DYM: variants seen among roughly 807,000 people sequenced by gnomAD.
The protein encoded by DYM is dyggve-Melchior-Clausen syndrome protein.
A neutral mutation model predicts 93.1 loss-of-function variants in DYM; 78 were observed. The observed-to-expected ratio is 0.84, with a 90% CI of 0.70 to 1.01. The LOEUF (loss-of-function observed/expected upper bound fraction) is 1.01, where lower values mean the gene tolerates loss of function less well. Among genes scored for constraint, DYM ranks in the 50% least tolerant of loss-of-function variants. DYM has a pLI of 0.00. For synonymous variants in DYM, 321 were observed against 319.7 expected, an observed-to-expected ratio of 1.00 and a Z score of -0.04; for missense variants, 789 against 845.0, an observed-to-expected ratio of 0.93 and a Z score of 0.82.
chr18:49,248,590 C>T (rs533020716), intron 13 of DYM, among the ~76,000 whole-genome samples: 2 of 151,542 alleles, frequency 1.3e-5, no homozygotes, highest in Admixed American at 1.3e-4. Context: ...TTCCTGACTA[C>T]AGTGCTAACA....
At chr18:49,333,606 A>G in intron 7 of DYM, 122 bp downstream of exon 7, 1 of 1,120,060 alleles carries the variant, frequency 8.9e-7, no homozygotes, top group South Asian at 1.3e-5. Flanking sequence ...TTAAAGAGAC[A>G]ATAGAACAAC....
At chr18:49,190,153 T>A (rs991247833) in intron 14 of DYM, among the ~76,000 whole-genome samples, 2 of 152,190 alleles carry the variant, frequency 1.3e-5, no homozygotes, top group African/African-American at 4.8e-5. Flanking sequence ...ACTTGACCAT[T>A]TAGGGATAGT....
At chr18:49,197,218 T>C (rs2091539195) in intron 14 of DYM, among the ~76,000 whole-genome samples, 1 of 152,122 alleles carries the variant, frequency 6.6e-6, no homozygotes, top group South Asian at 2.1e-4. Context: ...ATTTGGAACA[T>C]ATTGGCATGT....
chr18:49,251,564 G>A (rs1324931590), intron 13 of DYM, among the ~76,000 whole-genome samples: 1 of 152,160 alleles, frequency 6.6e-6, no homozygotes, highest in Non-Finnish European at 1.5e-5. Context: ...TACCCAGGTG[G>A]TGAACCTAGT....
intron 8 of DYM, among the ~76,000 whole-genome samples, chr18:49,292,624 AACCCCC>A (rs2060234741): frequency 1.5e-5 from 1 of 65,044 alleles, no homozygotes; most frequent in African/African-American, 5.4e-5. Context: ...AAAAAAAAAA[AACCCCC>A]ACAAAAACCT....
intron 13 of DYM, among the ~76,000 whole-genome samples, chr18:49,239,791 A>C (rs1230567222): frequency 6.6e-6 from 1 of 152,266 alleles, no homozygotes; most frequent in Non-Finnish European, 1.5e-5. Flanking sequence ...AGAATCAGTT[A>C]GCTAAGCAAT....
chr18:49,339,775 A>G (rs1271684013), intron 6 of DYM, among the ~76,000 whole-genome samples: 2 of 152,216 alleles, frequency 1.3e-5, no homozygotes, highest in African/African-American at 4.8e-5. Flanking sequence ...TGTTCTAAAC[A>G]GCTAAGTTTT....
intron 15 of DYM, among the ~76,000 whole-genome samples, chr18:49,150,456 T>C (rs558097201): frequency 1.3e-5 from 2 of 152,280 alleles, no homozygotes; most frequent in Admixed American, 6.5e-5. Flanking sequence ...TCTGCTAACA[T>C]AGATGCTAAC....
rs935116382 is a variant in DYM at position 49,078,557 on chromosome 18, C to G, written c.2025+18845G>C. Among the ~76,000 whole-genome samples the G allele has an allele frequency of 2.0e-5, 3 of 152,188 alleles. No individual in the cohort carries two copies. The East Asian group carries it at 5.8e-4, about 29-fold the overall frequency. On this transcript the variant is annotated intron_variant, in intron 17 of 17. Coordinates refer to ENST00000675505, the MANE Select transcript of DYM (RefSeq NM_001353214.3). ...TAATTTTGGTTATTCCCTTCCGGCT[C>G]TTTCCCTTCTGGGATTCTTCTACTC...
At chr18:49,399,150 A>G (rs1317856045) in intron 2 of DYM, among the ~76,000 whole-genome samples, 1 of 152,206 alleles carries the variant, frequency 6.6e-6, no homozygotes, top group African/African-American at 2.4e-5. Context: ...AAGCAGACAG[A>G]CAGTTCAGTA....
chr18:49,442,640 TTAGA>T (rs1482638838), intron 1 of DYM, among the ~76,000 whole-genome samples: 11 of 151,878 alleles, frequency 7.2e-5, no homozygotes, highest in African/African-American at 2.7e-4. Flanking sequence ...TAAAATATCT[TTAGA>T]TAGATAATAA....
chr18:49,195,097 G>C (rs1184751794), intron 14 of DYM, among the ~76,000 whole-genome samples: 1 of 152,096 alleles, frequency 6.6e-6, no homozygotes, highest in Admixed American at 6.5e-5. Flanking sequence ...GCTGAAGCTA[G>C]CAGAGTAAAT....
chr18:49,082,340 T>C (rs1485953266), intron 17 of DYM, among the ~76,000 whole-genome samples: 1 of 152,244 alleles, frequency 6.6e-6, no homozygotes, highest in Non-Finnish European at 1.5e-5. Context: ...CTTCAAGTAG[T>C]TGTGTTTCAT....
chr18:49,186,539 C>A (rs1314539609), intron 14 of DYM, among the ~76,000 whole-genome samples: 1 of 152,174 alleles, frequency 6.6e-6, no homozygotes, highest in Non-Finnish European at 1.5e-5. Context: ...CCAAAAACTT[C>A]TTTAAAAGTC....
At chr18:49,120,263 T>C (rs896607822) in intron 15 of DYM, among the ~76,000 whole-genome samples, 13 of 152,016 alleles carry the variant, frequency 8.6e-5, no homozygotes, top group African/African-American at 2.9e-4. Context: ...TAATTGCAAA[T>C]AGTCCACAAT....
intron 13 of DYM, among the ~76,000 whole-genome samples, chr18:49,227,545 T>G (rs542131772): frequency 6.6e-6 from 1 of 152,288 alleles, no homozygotes; most frequent in East Asian, 1.9e-4. Flanking sequence ...GTCATGGATA[T>G]ACACGGAAAC....
intron 17 of DYM, among the ~76,000 whole-genome samples, chr18:49,057,292 T>G (rs1221720438): frequency 6.6e-6 from 1 of 152,168 alleles, no homozygotes. Context: ...TGCTGACCAA[T>G]CAGACAAAGA....
intron 13 of DYM, among the ~76,000 whole-genome samples, chr18:49,232,094 G>C (rs1162833645): frequency 1.3e-5 from 2 of 151,832 alleles, no homozygotes; most frequent in African/African-American, 4.8e-5. Flanking sequence ...ATGTTCCCCT[G>C]CCTTTTACCT....
At chr18:49,178,279 T>C (rs1167470343) in intron 14 of DYM, among the ~76,000 whole-genome samples, 1 of 151,632 alleles carries the variant, frequency 6.6e-6, no homozygotes, top group Non-Finnish European at 1.5e-5. Context: ...AATCTAAGAG[T>C]AGTGTGACCA....
Sources: allele counts gnomAD v4.1 joint callset (sites outside exome capture counted in the v4.1 genomes callset), GRCh38; gene constraint gnomAD v4.1.1; transcripts MANE v1.5; gene names NCBI Gene and HGNC (gene_info 2026-07-23, HGNC 2026-07-21).